INSC: variants seen among roughly 807,000 people sequenced by gnomAD.
INSC encodes the protein INSC spindle orientation adaptor protein, also known as protein inscuteable homolog.
INSC carries 67 observed loss-of-function variants against 58.6 expected under a neutral mutation model. The observed-to-expected ratio is 1.14, with a 90% CI of 0.94 to 1.40. INSC has a LOEUF of 1.40. INSC is among the 40% of genes most tolerant of loss of function. The probability of loss-of-function intolerance (pLI) is 0.00; values close to 1 mark genes in which losing one functional copy is unlikely to be tolerated. For synonymous variants in INSC, 262 were observed against 276.1 expected (o/e 0.95, Z 0.51); for missense variants, 714 against 692.0 (o/e 1.03, Z -0.36).
rs565849443 is a variant in INSC, at chr11:15,156,970, G to A, written c.56+7740G>A. On this transcript the variant is annotated intron_variant, in intron 2 of 12. Coordinates refer to ENST00000379556, the MANE Select transcript of INSC (RefSeq NM_001042536.3). ...ACTTACCTGGCCTATAACCTGGTAT[G>A]TGGAGATGATTGTAGTTGCATTTTG... Among the ~76,000 whole-genome samples, 5 of 152,326 alleles carry A rather than the reference G, an allele frequency of 3.3e-5. No individual in the cohort carries two copies. In the South Asian group the frequency reaches 1.0e-3, roughly 32 times the overall value.
chr11:15,189,569 GC>G (rs1850091137), intron 5 of INSC, among the ~76,000 whole-genome samples: 1 of 152,102 alleles, frequency 6.6e-6, no homozygotes, highest in Non-Finnish European at 1.5e-5. Context: ...GGAAACTGAG[GC>G]AAAGAAAGGC....
chr11:15,215,479 C>T (rs1851179144), intron 7 of INSC, among the ~76,000 whole-genome samples: 1 of 152,210 alleles, frequency 6.6e-6, no homozygotes, highest in African/African-American at 2.4e-5. Flanking sequence ...TTTTCCTCTT[C>T]TCCCCAGAGG....
intron 5 of INSC, among the ~76,000 whole-genome samples, chr11:15,188,829 C>T (rs1850065105): frequency 6.6e-6 from 1 of 152,146 alleles, no homozygotes; most frequent in Admixed American, 6.5e-5. Flanking sequence ...CATTTAGGTA[C>T]AGGACCCCAA....
intron 5 of INSC, among the ~76,000 whole-genome samples, chr11:15,179,384 T>C (rs1245503746): frequency 6.6e-6 from 1 of 152,256 alleles, no homozygotes; most frequent in Non-Finnish European, 1.5e-5. Context: ...TGCCATTCTT[T>C]TCCCACCACC....
At chr11:15,225,460 G>T (rs567874659) in intron 8 of INSC, among the ~76,000 whole-genome samples, 190 bp from the exon 9 acceptor site, 1 of 152,170 alleles carries the variant, frequency 6.6e-6, no homozygotes, top group South Asian at 2.1e-4. Context: ...TACATACCAG[G>T]TTTCAAATCC....
chr11:15,231,070 G>A (rs1851906397), intron 9 of INSC, among the ~76,000 whole-genome samples: 1 of 152,198 alleles, frequency 6.6e-6, no homozygotes. Flanking sequence ...GCCAGAGGGA[G>A]GAAAAGGCTC....
In INSC at chr11:15,186,877, A is replaced by T. The variant is rs189124412; in HGVS notation, c.580-3824A>T. Among the ~76,000 whole-genome samples the T allele has an allele frequency of 6.4e-3, 967 of 152,100 alleles. 10 individuals are homozygous for T. The highest frequency in any genetic ancestry group is 0.011 in the African/African-American group (447 of 41,496). ...GAACTCTACTATTAAAATACTTTTTAAAAAAAACCCAGCAATTGCTTTTAT... is the reference window on the plus strand; with the variant it reads ...GAACTCTACTATTAAAATACTTTTTTAAAAAAACCCAGCAATTGCTTTTAT... On this transcript the variant is annotated intron_variant, in intron 5 of 12. Coordinates refer to ENST00000379556, the MANE Select transcript of INSC (RefSeq NM_001042536.3).
At chr11:15,220,705 C>T (rs1343942060) in intron 7 of INSC, among the ~76,000 whole-genome samples, 1 of 152,174 alleles carries the variant, frequency 6.6e-6, no homozygotes, top group African/African-American at 2.4e-5. Context: ...CATGTGCACT[C>T]TATAGAATGG....
intron 2 of INSC, among the ~76,000 whole-genome samples, chr11:15,164,760 C>T (rs920628776): frequency 2.0e-5 from 3 of 152,084 alleles, no homozygotes; most frequent in African/African-American, 7.2e-5. Flanking sequence ...AATCTCATCT[C>T]GAATTATGGC....
At position 15,116,646 on chromosome 11, in the gene INSC, A is replaced by G. The variant is rs539557921; in HGVS notation, c.-46+1643A>G. ...TCTCTTCTGAATACTTCAGTGAGGT[A>G]CCCAGACTAAATGTGCTCTTTCAGC... On this transcript the variant is annotated intron_variant, in intron 1 of 12. Transcript: ENST00000379556. Among the ~76,000 whole-genome samples, 7 of 152,196 alleles carry G rather than the reference A, an allele frequency of 4.6e-5. No homozygotes were observed. In the East Asian group the frequency reaches 1.4e-3, roughly 29 times the overall value.
At chr11:15,264,224 G>T in the INSC span, among the ~76,000 whole-genome samples, 1 of 128,960 alleles carries the variant, frequency 7.8e-6, no homozygotes, top group African/African-American at 3.0e-5. Context: ...GCCTCTCTCT[G>T]GTCCTCTATC....
the INSC span, among the ~76,000 whole-genome samples, chr11:15,256,915 C>T: frequency 3.1e-3 from 467 of 152,282 alleles, 1 homozygote; most frequent in African/African-American, 0.011. Context: ...TGGCCTTTGC[C>T]TTCCTCCTAA....
chr11:15,198,168 C>T (rs1850440680), intron 6 of INSC, among the ~76,000 whole-genome samples: 1 of 152,152 alleles, frequency 6.6e-6, no homozygotes, highest in African/African-American at 2.4e-5. Context: ...CATAGCCTGA[C>T]CCTTACCCAC....
At chr11:15,245,617 T>C (rs1216617462) in intron 12 of INSC, among the ~76,000 whole-genome samples, 1 of 152,186 alleles carries the variant, frequency 6.6e-6, no homozygotes, top group African/African-American at 2.4e-5. Flanking sequence ...CTAAGGTTAC[T>C]CTAGGGATCT....
At chr11:15,255,247 G>C in the INSC span, among the ~76,000 whole-genome samples, 4 of 151,842 alleles carry the variant, frequency 2.6e-5, no homozygotes, top group Non-Finnish European at 5.9e-5. Flanking sequence ...AACTCTATTT[G>C]AAAAAAAGTT....
intron 9 of INSC, among the ~76,000 whole-genome samples, chr11:15,227,909 C>T (rs1196234374): frequency 6.6e-6 from 1 of 152,134 alleles, no homozygotes; most frequent in African/African-American, 2.4e-5. Context: ...AGTAGTGAGG[C>T]AATAAGACAA....
At chr11:15,229,964 A>ATATATATAATAT (rs1851805384) in intron 9 of INSC, among the ~76,000 whole-genome samples, 2 of 15,698 alleles carry the variant, frequency 1.3e-4, no homozygotes, top group Non-Finnish European at 2.3e-4. Flanking sequence ...ATATATTTAT[A>ATATATATAATAT]TATATATATA....
At chr11:15,230,005 ATATATATAATAT>A (rs1851849626) in intron 9 of INSC, among the ~76,000 whole-genome samples, 1 of 25,922 alleles carries the variant, frequency 3.9e-5, no homozygotes. Flanking sequence ...ATATATATAT[ATATATATAATAT>A]ATATATATAT....
At chr11:15,244,226 G>A (rs1304511050) in intron 12 of INSC, among the ~76,000 whole-genome samples, 1 of 152,180 alleles carries the variant, frequency 6.6e-6, no homozygotes, top group Non-Finnish European at 1.5e-5. Context: ...TTGGAGCCAA[G>A]AAGAATCAGA....
Sources: gnomAD v4.1 joint callset for allele counts (sites outside exome capture counted in the v4.1 genomes callset) on GRCh38, gnomAD v4.1.1 for gene constraint, MANE v1.5 for transcripts, NCBI Gene and HGNC (gene_info 2026-07-23, HGNC 2026-07-21) for gene names.